Variants in DNAJC2 observed in about 807,000 individuals in gnomAD.
The protein encoded by DNAJC2 is dnaJ homolog subfamily C member 2.
A neutral mutation model predicts 94.0 loss-of-function variants in DNAJC2; 32 were observed. The ratio of observed to expected loss-of-function variants is 0.34; its 90% CI spans 0.26 to 0.46. DNAJC2 has a LOEUF of 0.46. Among genes scored for constraint, DNAJC2 ranks in the 20% least tolerant of loss-of-function variants. DNAJC2 has a pLI of 1.00. For synonymous variants in DNAJC2, 210 were observed against 229.7 expected (o/e 0.91, Z 0.77); for missense variants, 550 against 719.5 (o/e 0.76, Z 2.69).
At position 103,312,989 on chromosome 7, in the gene DNAJC2, C is replaced by G; in HGVS notation, c.1749G>C (p.Ala583=). Residue 583 remains alanine, a synonymous_variant, in exon 16 of 17, where the codon GCG becomes GCC. Coordinates refer to ENST00000379263, the MANE Select transcript of DNAJC2 (RefSeq NM_014377.3). The part of the protein sequence containing the change: ...TPERWEKIAE[A]VPGRTKKDCM... The stretch of plus-strand genomic sequence containing the variant: ...AGTCCTTCTTTGTCCTGCCAGGCAC[C>G]GCTTCTGCTATTTTTTCCCATCTTT... The G allele has an allele frequency of 6.2e-7, 1 of 1,614,006 alleles. No individual in the cohort carries two copies. The highest frequency in any genetic ancestry group is 2.2e-5 in the East Asian group (1 of 44,862).
At chr7:103,320,282 G>C (rs1218088846) in intron 10 of DNAJC2, among the ~76,000 whole-genome samples, 1 of 151,764 alleles carries the variant, frequency 6.6e-6, no homozygotes, top group African/African-American at 2.4e-5. Flanking sequence ...TAGAGACGGG[G>C]TTTCACCATT....
intron 11 of DNAJC2, 34 bp downstream of exon 11, chr7:103,319,722 A>C (rs1278990957): frequency 3.1e-6 from 5 of 1,614,152 alleles, no homozygotes; most frequent in East Asian, 2.2e-5. Flanking sequence ...CCTAAGCTCA[A>C]GTGAAGACTT....
Position 103,312,469 on chromosome 7 carries a change from CA to C in DNAJC2, c.*99del. On this transcript the variant is annotated 3_prime_UTR_variant, in exon 17 of 17. Coordinates refer to ENST00000379263, the MANE Select transcript of DNAJC2 (RefSeq NM_014377.3). ...GTTCTCTGAGAAATTATGTTGGAAGCAGCATACTTTCAAATTATTACCATGA... is the reference window on the plus strand; with the variant it reads ...GTTCTCTGAGAAATTATGTTGGAAGCGCATACTTTCAAATTATTACCATGA... 6.5e-7 allele frequency: 1 copy of C among 1,545,250 alleles called. No homozygotes were observed. The highest frequency in any genetic ancestry group is 8.7e-7 in the Non-Finnish European group (1 of 1,152,972).
intron 15 of DNAJC2, chr7:103,313,874 A>T (rs1396421841): frequency 4.1e-6 from 4 of 985,302 alleles, no homozygotes; most frequent in Non-Finnish European, 4.8e-6. Context: ...GGTTAAGTTA[A>T]TGGACTTCTG....
At position 103,317,919 on chromosome 7, in the gene DNAJC2, C is replaced by T. The variant is rs543632634; in HGVS notation, c.1243-905G>A. Among the ~76,000 whole-genome samples the T allele has an allele frequency of 1.4e-4, 21 of 151,872 alleles. No individual in the cohort carries two copies. The East Asian group carries it at 2.9e-3, about 21-fold the overall frequency. On this transcript the variant is annotated intron_variant, in intron 12 of 16. Transcript: ENST00000379263. The stretch of plus-strand genomic sequence containing the variant: ...GTCTGCCTTGGCCTCCCAAAGTGCT[C>T]GGATTATAGGCATGAGCCACCACGC...
At chr7:103,322,383 C>T in intron 9 of DNAJC2, 128 bp downstream of exon 9, 1 of 1,000,842 alleles carries the variant, frequency 1.0e-6, no homozygotes, top group South Asian at 1.8e-5. Flanking sequence ...GGTCATGATT[C>T]ATTCACAGTA....
intron 7 of DNAJC2, among the ~76,000 whole-genome samples, chr7:103,323,168 G>C (rs1818514026): frequency 6.6e-6 from 1 of 152,172 alleles, no homozygotes; most frequent in East Asian, 1.9e-4. Context: ...GACCTCAGGT[G>C]ATCTGCCCGC....
At chr7:103,334,075 C>G (rs1403389858) in intron 3 of DNAJC2, among the ~76,000 whole-genome samples, 1 of 151,782 alleles carries the variant, frequency 6.6e-6, no homozygotes, top group Non-Finnish European at 1.5e-5. Context: ...CTCAGCCACG[C>G]GAGTAGCTGC....
Position 103,312,318 on chromosome 7 carries a change from A to G in DNAJC2, c.*251T>C. On this transcript the variant is annotated 3_prime_UTR_variant, in exon 17 of 17. Transcript: ENST00000379263. ...TTGAACACATGTATTTATAAAACAG[A>G]GCTAGAGAAAAATAAAAATGAACAT... 1 of 1,599,640 alleles carries G rather than the reference A, an allele frequency of 6.3e-7. No homozygotes were observed. The highest frequency in any genetic ancestry group is 1.1e-5 in the South Asian group (1 of 89,992).
intron 3 of DNAJC2, among the ~76,000 whole-genome samples, chr7:103,334,549 C>A (rs1819092944): frequency 6.6e-6 from 1 of 150,886 alleles, no homozygotes; most frequent in African/African-American, 2.4e-5. Flanking sequence ...GCACTCCACC[C>A]TGGATAACAG....
chr7:103,327,843 G>C (rs1215855588), intron 3 of DNAJC2, 89 bp from the exon 4 acceptor site: 11 of 723,578 alleles, frequency 1.5e-5, no homozygotes, highest in Non-Finnish European at 2.5e-5. Flanking sequence ...AAAATCATAA[G>C]GCTAATATTA....
intron 15 of DNAJC2, chr7:103,314,529 A>G (rs1817938422): frequency 1.0e-6 from 1 of 985,106 alleles, no homozygotes; most frequent in African/African-American, 1.7e-5. Flanking sequence ...AAGTCCCCCT[A>G]AGAAAGAGCT....
chr7:103,330,441 C>A (rs187916852), intron 3 of DNAJC2, among the ~76,000 whole-genome samples: 2 of 151,258 alleles, frequency 1.3e-5, no homozygotes, highest in East Asian at 2.0e-4. Flanking sequence ...GTGCTCTCCA[C>A]CATGCCTTGC....
intron 15 of DNAJC2, chr7:103,313,419 TACTGTTGG>T (rs1322517709): frequency 1.0e-6 from 1 of 982,862 alleles, no homozygotes; most frequent in Non-Finnish European, 1.2e-6. Context: ...AAATTTATAG[TACTGTTGG>T]ACTCTTGGAC....
In DNAJC2 at chr7:103,324,505, A is replaced by T. The variant is rs780688575; in HGVS notation, c.630T>A (p.Asp210Glu). The change falls in exon 6 of 17, where the codon GAT (aspartate) becomes GAA (glutamate). Residue 210 changes from aspartate (D) to glutamate (E), a missense_variant. Physicochemically the swap from Asp to Glu is conservative, Grantham distance 45 (BLOSUM62 2). Coordinates refer to ENST00000379263, the MANE Select transcript of DNAJC2 (RefSeq NM_014377.3). ...KLGDMNSSFE[D>E]VDIFYSFWYN... Reference sequence around the variant, plus strand: ...ACCAGAAAGAATAAAATATATCTACATCTTCAAATGATGAATTCATATCAC... The same window carrying T: ...ACCAGAAAGAATAAAATATATCTACTTCTTCAAATGATGAATTCATATCAC... The T allele has an allele frequency of 6.3e-5, 95 of 1,498,146 alleles. No individual in the cohort carries two copies. The highest frequency in any genetic ancestry group is 8.0e-5 in the Non-Finnish European group (89 of 1,112,812). 92.8% of individuals were successfully genotyped at this position (1,498,146 alleles called of 1,614,324 possible).
chr7:103,323,653 CA>C lies in DNAJC2; in HGVS notation c.663del (p.Phe221LeufsTer10). The C allele has an allele frequency of 7.0e-7, 1 of 1,436,860 alleles. No homozygotes were observed. Among genetic ancestry groups the C allele is most frequent in the Non-Finnish European group, 9.5e-7 (1 of 1,053,056 alleles). 89.0% of individuals were successfully genotyped at this position (1,436,860 alleles called of 1,614,324 possible). A position where few individuals can be genotyped will look rare whatever the true frequency, so the allele number is the denominator to read the frequency against. On this transcript the variant is annotated frameshift_variant, in exon 7 of 17. Coordinates refer to ENST00000379263, the MANE Select transcript of DNAJC2 (RefSeq NM_014377.3). LOFTEE classifies it high-confidence loss of function. ...AAATAAGAAAATTCTCTCCAAGAAT[CA>C]AAATTATACCTAATATAGACAGAAA... ...VDIFYSFWYN[F>X]DSWREFSYLD...
Position 103,312,658 on chromosome 7 carries a change from A to G in DNAJC2, c.1792-15T>C. The G allele has an allele frequency of 6.2e-6, 10 of 1,609,350 alleles. No homozygotes were observed. The highest frequency in any genetic ancestry group is 4.5e-5 in the South Asian group (4 of 89,742). ...TCGACAAGTTCCTAGGAAGGGAGAA[A>G]GGTGTGATTTAAGAAGTTGCGATTT... On this transcript the variant is annotated splice_polypyrimidine_tract_variant and intron_variant, in intron 16 of 16. Transcript: ENST00000379263.
At chr7:103,332,519 G>T (rs1226573793) in intron 3 of DNAJC2, among the ~76,000 whole-genome samples, 1 of 152,078 alleles carries the variant, frequency 6.6e-6, no homozygotes, top group Non-Finnish European at 1.5e-5. Flanking sequence ...TTCAGCATTA[G>T]AATTTTTAAT....
chr7:103,334,404 AAT>A, intron 3 of DNAJC2, among the ~76,000 whole-genome samples: 1 of 151,808 alleles, frequency 6.6e-6, no homozygotes, highest in African/African-American at 2.4e-5. Flanking sequence ...TCTACTAAAA[AAT>A]ACGAAAATTA....
Sources: allele counts gnomAD v4.1 joint callset (sites outside exome capture counted in the v4.1 genomes callset), GRCh38; gene constraint gnomAD v4.1.1; transcripts MANE v1.5; gene names NCBI Gene and HGNC (gene_info 2026-07-23, HGNC 2026-07-21).